The following HECTD4 variants were observed in gnomAD, a reference collection of about 807,000 sequenced individuals.
HECTD4 encodes HECT domain E3 ubiquitin protein ligase 4, also known as probable E3 ubiquitin-protein ligase HECTD4.
Under a neutral mutation model 471.5 loss-of-function variants are expected in HECTD4, and 114 were observed. That is an observed-to-expected ratio of 0.24 (90% confidence interval 0.21 to 0.28). The LOEUF (loss-of-function observed/expected upper bound fraction) is 0.28. Ranked by LOEUF, HECTD4 falls within the 10% of genes least tolerant of loss-of-function variation. The pLI is 1.00. For missense variants in HECTD4, 3,866 were observed against 5,651.5 expected, an observed-to-expected ratio of 0.68 and a Z score of 10.13; for synonymous variants, 2,012 against 2,256.0, an observed-to-expected ratio of 0.89 and a Z score of 3.07.
intron 55 of HECTD4, among the ~76,000 whole-genome samples, chr12:112,196,227 G>C (rs2032238948): frequency 6.6e-6 from 1 of 152,114 alleles, no homozygotes; most frequent in Non-Finnish European, 1.5e-5. Flanking sequence ...ATTTAATGCT[G>C]GTGTATCATA....
Position 112,252,157 on chromosome 12 carries a change from G to A in HECTD4, c.3552+267C>T, listed in dbSNP as rs541636100. Among the ~76,000 whole-genome samples the A allele has an allele frequency of 2.6e-5, 4 of 152,288 alleles. No homozygotes were observed. In the South Asian group the frequency reaches 8.3e-4, roughly 32 times the overall value. On this transcript the variant is annotated intron_variant, in intron 23 of 75. Coordinates refer to ENST00000682272, the MANE Select transcript of HECTD4 (RefSeq NM_001388303.1). ...AGTCCTCTTTGCCCTGTGGAAAGAT[G>A]CTGGGGTCAGGTCACCTCCCCAAAC...
intron 7 of HECTD4, among the ~76,000 whole-genome samples, chr12:112,293,522 A>G (rs2034942888): frequency 6.7e-6 from 1 of 149,742 alleles, no homozygotes; most frequent in Non-Finnish European, 1.5e-5. Flanking sequence ...AGCCTGGGCG[A>G]CAGAAAAAGA....
In HECTD4 at chr12:112,225,784, A is replaced by C. The variant is rs535084967; in HGVS notation, c.6970+859T>G. Among the ~76,000 whole-genome samples, 7 of 152,304 alleles carry C rather than the reference A, an allele frequency of 4.6e-5. No individual in the cohort carries two copies. The South Asian group carries it at 6.2e-4, about 14-fold the overall frequency. On this transcript the variant is annotated intron_variant, in intron 44 of 75. Transcript: ENST00000682272. ...GGGAAAATTAGGAAGTTAAACACTG[A>C]CTAGATATGTATATACACATATTTT...
intron 1 of HECTD4, among the ~76,000 whole-genome samples, chr12:112,352,369 C>G (rs2135738312): frequency 6.8e-6 from 1 of 146,588 alleles, no homozygotes; most frequent in Non-Finnish European, 1.5e-5. Flanking sequence ...GAGTCTTGCT[C>G]TTGTTGCCCA....
At chr12:112,327,945 T>C (rs1258554188) in intron 1 of HECTD4, among the ~76,000 whole-genome samples, 2 of 152,114 alleles carry the variant, frequency 1.3e-5, no homozygotes, top group Non-Finnish European at 2.9e-5. Context: ...TGTTTAAAAC[T>C]CAGGGTCACT....
At position 112,250,262 on chromosome 12, in the gene HECTD4, G is replaced by A; in HGVS notation, c.3832C>T (p.Leu1278Phe). ...AAGTAGTTTCCAACAGGAGGCACGA[G>A]GACATCAGAGGGGTAGGTGAATTCT... The part of the protein sequence containing the change: ...DREFTYPSDV[L>F]VPPVGNYFDL... The change falls in exon 25 of 76, where the codon CTC becomes TTC. Residue 1278 changes from leucine (L) to phenylalanine (F), a missense_variant. Physicochemically the swap from Leu to Phe is conservative, Grantham distance 22 (BLOSUM62 0). Coordinates refer to ENST00000682272, the MANE Select transcript of HECTD4 (RefSeq NM_001388303.1). 1 of 1,613,944 alleles carries A rather than the reference G, an allele frequency of 6.2e-7. No individual in the cohort carries two copies.
chr12:112,287,216 T>G (rs1253903785), intron 7 of HECTD4, among the ~76,000 whole-genome samples: 2 of 152,216 alleles, frequency 1.3e-5, no homozygotes. Context: ...CTCCCCAGCA[T>G]TTATCACTAG....
At position 112,259,101 on chromosome 12, in the gene HECTD4, A is replaced by G; in HGVS notation, c.3027+11T>C. ...AAAAAGCAGTTCACTTTGGCACACC[A>G]AGGATCATACCTGGCTGGTATAGAG... On this transcript the variant is annotated intron_variant, in intron 19 of 75. Coordinates refer to ENST00000682272, the MANE Select transcript of HECTD4 (RefSeq NM_001388303.1). The G allele has an allele frequency of 6.3e-7, 1 of 1,595,434 alleles. No homozygotes were observed. The highest frequency in any genetic ancestry group is 8.5e-7 in the Non-Finnish European group (1 of 1,175,196).
intron 7 of HECTD4, among the ~76,000 whole-genome samples, chr12:112,296,935 TG>T (rs2035041827): frequency 2.2e-5 from 3 of 133,684 alleles, no homozygotes; most frequent in African/African-American, 2.9e-5. Context: ...GTAGGTGCAG[TG>T]GATCTAGGTG....
In HECTD4 at chr12:112,332,540, C is replaced by CAAAAA. The variant is rs58503491; in HGVS notation, c.178-12803_178-12799dup. Among the ~76,000 whole-genome samples the CAAAAA allele has an allele frequency of 1.6e-4, 10 of 63,010 alleles. No individual in the cohort carries two copies. In the East Asian group the frequency reaches 2.1e-3, roughly 13 times the overall value. 41.3% of individuals were successfully genotyped at this position (63,010 alleles called of 152,430 possible). A position where few individuals can be genotyped will look rare whatever the true frequency, so the allele number is the denominator to read the frequency against. On this transcript the variant is annotated intron_variant, in intron 1 of 75. Transcript: ENST00000682272. The stretch of plus-strand genomic sequence containing the variant: ...TGGGTGACAGATTAAGACTCTGTCT[C>CAAAAA]AAAAAAAAAAAAAAAAAAAAAGATT...
At chr12:112,247,302 G>A (rs2033784609) in intron 28 of HECTD4, among the ~76,000 whole-genome samples, 160 bp downstream of exon 28, 1 of 152,118 alleles carries the variant, frequency 6.6e-6, no homozygotes, top group South Asian at 2.1e-4. Flanking sequence ...AACTTTGGAA[G>A]GCTAAAACCA....
chr12:112,372,945 A>G (rs1389620969), intron 1 of HECTD4, among the ~76,000 whole-genome samples: 1 of 149,228 alleles, frequency 6.7e-6, no homozygotes, highest in Non-Finnish European at 1.5e-5. Flanking sequence ...GTTTGTAGGG[A>G]GAGAGTTTTG....
intron 4 of HECTD4, among the ~76,000 whole-genome samples, chr12:112,311,749 C>G (rs766946198): frequency 6.6e-6 from 1 of 152,114 alleles, no homozygotes; most frequent in African/African-American, 2.4e-5. Context: ...CCATCCTCCT[C>G]AGTGAGAAAC....
At chr12:112,252,649 T>C in intron 22 of HECTD4, 121 bp from the exon 23 acceptor site, 1 of 1,163,716 alleles carries the variant, frequency 8.6e-7, no homozygotes. Context: ...ACTCCTTTTC[T>C]CATTTGCTTT....
In HECTD4 at chr12:112,200,813, G is replaced by T. The variant is rs1376103230; in HGVS notation, c.8407-15C>A. On this transcript the variant is annotated splice_polypyrimidine_tract_variant and intron_variant, in intron 54 of 75. Coordinates refer to ENST00000682272, the MANE Select transcript of HECTD4 (RefSeq NM_001388303.1). ...AGTTCATTCACCTACAATAGGAAAAGAAAATGTCTGTTTGTGCTGTTTGCT... is the reference window on the plus strand; with the variant it reads ...AGTTCATTCACCTACAATAGGAAAATAAAATGTCTGTTTGTGCTGTTTGCT... The T allele has an allele frequency of 6.2e-7, 1 of 1,606,900 alleles. No individual in the cohort carries two copies. The highest frequency in any genetic ancestry group is 2.2e-5 in the East Asian group (1 of 44,710).
intron 67 of HECTD4, among the ~76,000 whole-genome samples, chr12:112,171,613 G>C (rs2031225294): frequency 6.6e-6 from 1 of 152,226 alleles, no homozygotes; most frequent in Admixed American, 6.5e-5. Flanking sequence ...AGAGTCCCGT[G>C]TACATTTCTC....
At chr12:112,326,941 A>T (rs2035757968) in intron 1 of HECTD4, among the ~76,000 whole-genome samples, 1 of 152,196 alleles carries the variant, frequency 6.6e-6, no homozygotes. Context: ...ATTTGTCCTA[A>T]AGCAATATTC....
In HECTD4 at chr12:112,208,641, G is replaced by A; in HGVS notation, c.7868-11C>T. On this transcript the variant is annotated splice_polypyrimidine_tract_variant and intron_variant, in intron 50 of 75. Coordinates refer to ENST00000682272, the MANE Select transcript of HECTD4 (RefSeq NM_001388303.1). ...TGTCACTATCATATTCTGTAACAGA[G>A]CACAAGGACAGCGAATTCTAAACAA... 1 of 1,542,978 alleles carries A rather than the reference G, an allele frequency of 6.5e-7. No homozygotes were observed. Among genetic ancestry groups the A allele is most frequent in the Non-Finnish European group, 8.7e-7 (1 of 1,148,288 alleles).
At chr12:112,330,271 T>C (rs1566114253) in intron 1 of HECTD4, among the ~76,000 whole-genome samples, 1 of 148,088 alleles carries the variant, frequency 6.8e-6, no homozygotes, top group Non-Finnish European at 1.5e-5. Context: ...AGTGATACTT[T>C]GTCTCAAAAA....
Sources: gnomAD v4.1 joint callset for allele counts (sites outside exome capture counted in the v4.1 genomes callset) on GRCh38, gnomAD v4.1.1 for gene constraint, MANE v1.5 for transcripts, NCBI Gene and HGNC (gene_info 2026-07-23, HGNC 2026-07-21) for gene names.